TTLL1: variants seen among roughly 807,000 people sequenced by gnomAD.
The protein encoded by TTLL1 is TTL family tubulin polyglutamylase complex subunit L1.
Under a neutral mutation model 47.8 loss-of-function variants are expected in TTLL1, and 33 were observed. The ratio of observed to expected loss-of-function variants is 0.69; its 90% CI spans 0.52 to 0.92. The LOEUF is 0.92. TTLL1 is among the 40% of genes least tolerant of loss of function. The probability of loss-of-function intolerance (pLI) is 0.00; values close to 1 mark genes in which losing one functional copy is unlikely to be tolerated. For missense variants in TTLL1, 488 were observed against 547.5 expected, an observed-to-expected ratio of 0.89 and a Z score of 1.08; for synonymous variants, 225 against 214.1, an observed-to-expected ratio of 1.05 and a Z score of -0.45.
intron 9 of TTLL1, among the ~76,000 whole-genome samples, chr22:43,050,538 T>G (rs1333056616): frequency 6.6e-6 from 1 of 151,736 alleles, no homozygotes; most frequent in African/African-American, 2.4e-5. Flanking sequence ...TGTTTGTTTT[T>G]GAGACAAAGT....
intron 5 of TTLL1, among the ~76,000 whole-genome samples, chr22:43,066,925 T>C (rs1228279491): frequency 6.6e-6 from 1 of 151,246 alleles, no homozygotes; most frequent in African/African-American, 2.4e-5. Context: ...AGGCGTGAGG[T>C]TGCAGTGAGC....
chr22:43,073,708 A>AC (rs1197720382), intron 3 of TTLL1, among the ~76,000 whole-genome samples: 4 of 149,294 alleles, frequency 2.7e-5, no homozygotes, highest in Non-Finnish European at 4.4e-5. Flanking sequence ...TACTTAACCC[A>AC]CCCCCCCATA....
chr22:43,043,733 C>A (rs1381500402), intron 10 of TTLL1, among the ~76,000 whole-genome samples: 1 of 152,090 alleles, frequency 6.6e-6, no homozygotes, highest in Non-Finnish European at 1.5e-5. Flanking sequence ...TCTCTCCCAC[C>A]CCCCATACTC....
At chr22:43,051,553 G>T (rs1051640989) in intron 9 of TTLL1, among the ~76,000 whole-genome samples, 2 of 152,070 alleles carry the variant, frequency 1.3e-5, no homozygotes, top group South Asian at 2.1e-4. Flanking sequence ...CCCTGGAGGA[G>T]TCATAGCCAC....
At chr22:43,058,982 C>T (rs924403684) in intron 8 of TTLL1, among the ~76,000 whole-genome samples, 4 of 150,586 alleles carry the variant, frequency 2.7e-5, no homozygotes, top group South Asian at 2.1e-4. Flanking sequence ...CGTTAACCAA[C>T]GCGCCCAGCC....
chr22:43,039,823 C>T lies in TTLL1; in HGVS notation c.1225G>A (p.Gly409Ser). 1.2e-6 allele frequency: 2 copies of T among 1,614,046 alleles called. No homozygotes were observed. Among genetic ancestry groups the T allele is most frequent in the Non-Finnish European group, 1.7e-6 (2 of 1,179,980 alleles). ...GCTCTCCCCGAGTCTCTCGATCGGCCTGCTCTGGGCCCCAGAGACTGACCC... is the reference window on the plus strand; with the variant it reads ...GCTCTCCCCGAGTCTCTCGATCGGCTTGCTCTGGGCCCCAGAGACTGACCC... ...RQGQSLGPRA[G>S]RSRDSGRAVL... Residue 409 changes from glycine to serine, a missense_variant, in exon 11 of 11, where the codon GGC becomes AGC. Physicochemically the swap from Gly to Ser is moderately conservative, Grantham distance 56. Transcript: ENST00000266254.
intron 9 of TTLL1, 122 bp downstream of exon 9, chr22:43,051,679 G>A (rs898964980): frequency 1.5e-5 from 14 of 914,228 alleles, no homozygotes; most frequent in Non-Finnish European, 2.5e-5. Flanking sequence ...TCGAACATCA[G>A]TCCCCTTCCT....
chr22:43,077,060 C>T lies in TTLL1; in HGVS notation c.-4-1470G>A, dbSNP rs1396112222. Among the ~76,000 whole-genome samples, 4 of 152,020 alleles carry T rather than the reference C, an allele frequency of 2.6e-5. No homozygotes were observed. In the East Asian group the frequency reaches 7.8e-4, roughly 30 times the overall value. On this transcript the variant is annotated intron_variant, in intron 2 of 10. Coordinates refer to ENST00000266254, the MANE Select transcript of TTLL1 (RefSeq NM_012263.5). The stretch of plus-strand genomic sequence containing the variant: ...AGATTGCAGTGAGCGGAGATCGCAC[C>T]ACTGCACTCCAGCCTGGGTGACAGA...
chr22:43,087,242 T>C (rs1469432007), intron 1 of TTLL1, among the ~76,000 whole-genome samples: 1 of 152,216 alleles, frequency 6.6e-6, no homozygotes, highest in African/African-American at 2.4e-5. Context: ...ATGGCCCACA[T>C]GTGAGCAGCA....
intron 5 of TTLL1, among the ~76,000 whole-genome samples, chr22:43,067,482 C>T (rs1042577997): frequency 6.6e-6 from 1 of 152,210 alleles, no homozygotes; most frequent in African/African-American, 2.4e-5. Context: ...CACGACTGAG[C>T]GGTTCTCACA....
intron 7 of TTLL1, among the ~76,000 whole-genome samples, chr22:43,061,692 C>T (rs1927396011): frequency 6.6e-6 from 1 of 152,212 alleles, no homozygotes; most frequent in South Asian, 2.1e-4. Context: ...TCTGCCCTTG[C>T]TGGCCTCTCC....
chr22:43,052,683 G>A (rs2146966409), intron 8 of TTLL1, among the ~76,000 whole-genome samples: 1 of 152,192 alleles, frequency 6.6e-6, no homozygotes, highest in African/African-American at 2.4e-5. Context: ...GAGTGCTGGA[G>A]TGCAGTGAGC....
At chr22:43,044,879 T>TC (rs113103229) in intron 10 of TTLL1, among the ~76,000 whole-genome samples, 131 of 150,718 alleles carry the variant, frequency 8.7e-4, no homozygotes, top group East Asian at 7.4e-3. Context: ...TTTTTTTTTT[T>TC]GGAGACAGAG....
At chr22:43,083,414 T>C (rs1034362313) in intron 1 of TTLL1, among the ~76,000 whole-genome samples, 4 of 151,606 alleles carry the variant, frequency 2.6e-5, no homozygotes, top group Admixed American at 2.0e-4. Flanking sequence ...CTGGCCAAAA[T>C]TTTATCACCC....
chr22:43,070,198 T>G (rs867964325), intron 3 of TTLL1: 3 of 1,343,684 alleles, frequency 2.2e-6, no homozygotes, highest in African/African-American at 3.0e-5. Context: ...GTCAGGAAAC[T>G]CATTTAAACA....
chr22:43,056,293 A>C (rs1017536640), intron 8 of TTLL1, among the ~76,000 whole-genome samples: 1 of 149,572 alleles, frequency 6.7e-6, no homozygotes, highest in Non-Finnish European at 1.5e-5. Flanking sequence ...TGGGAGGCGG[A>C]GGTTGCAGTG....
chr22:43,088,526 G>C (rs1432779712), intron 1 of TTLL1, among the ~76,000 whole-genome samples: 2 of 148,852 alleles, frequency 1.3e-5, no homozygotes, highest in Non-Finnish European at 3.0e-5. Context: ...TGTATTTTTA[G>C]TATAGACGGG....
intron 1 of TTLL1, among the ~76,000 whole-genome samples, chr22:43,083,899 C>G (rs556509938): frequency 6.6e-6 from 1 of 152,174 alleles, no homozygotes; most frequent in African/African-American, 2.4e-5. Flanking sequence ...GGATATGTGT[C>G]AGCTACAAGT....
At chr22:43,067,748 A>G (rs1272852297) in intron 5 of TTLL1, among the ~76,000 whole-genome samples, 2 of 151,048 alleles carry the variant, frequency 1.3e-5, no homozygotes, top group Non-Finnish European at 2.9e-5. Flanking sequence ...AGGTGGGTGG[A>G]TCACCCTGAG....
Sources: allele counts gnomAD v4.1 joint callset (sites outside exome capture counted in the v4.1 genomes callset), GRCh38; gene constraint gnomAD v4.1.1; transcripts MANE v1.5; gene names NCBI Gene and HGNC (gene_info 2026-07-23, HGNC 2026-07-21).